The following MYO3A variants were observed in gnomAD, a reference collection of about 807,000 sequenced individuals.
MYO3A encodes myosin IIIA, also known as myosin-IIIa.
Under a neutral mutation model 192.7 loss-of-function variants are expected in MYO3A, and 180 were observed. That is an observed-to-expected ratio of 0.93 (90% CI 0.83 to 1.06). The LOEUF (loss-of-function observed/expected upper bound fraction) is 1.06. MYO3A is among the 50% of genes least tolerant of loss of function. MYO3A has a pLI of 0.00. For missense variants in MYO3A, 1,896 were observed against 1,905.0 expected, an observed-to-expected ratio of 1.00 and a Z score of 0.09; for synonymous variants, 628 against 645.3, an observed-to-expected ratio of 0.97 and a Z score of 0.41.
At position 26,039,182 on chromosome 10, in the gene MYO3A, A is replaced by G. The variant is rs577552244; in HGVS notation, c.953+12650A>G. 2.7e-5 allele frequency among the ~76,000 whole-genome samples: 4 copies of G among 148,072 alleles called. No homozygotes were observed. In the East Asian group the frequency reaches 7.9e-4, roughly 29 times the overall value. ...CAGCCTCCTGAACAGCTGGGATTAC[A>G]GGCAGGCACCACCAGGCTCGGCTAA... On this transcript the variant is annotated intron_variant, in intron 10 of 34. Coordinates refer to ENST00000642920, the MANE Select transcript of MYO3A (RefSeq NM_017433.5).
intron 18 of MYO3A, 97 bp from the exon 19 acceptor site, chr10:26,125,301 C>A: frequency 9.7e-7 from 1 of 1,030,162 alleles, no homozygotes; most frequent in Non-Finnish European, 1.5e-6. Context: ...ACATTTAATT[C>A]ATGTCATTTG....
intron 17 of MYO3A, among the ~76,000 whole-genome samples, chr10:26,118,889 C>T (rs1838680991): frequency 6.6e-6 from 1 of 152,116 alleles, no homozygotes; most frequent in Non-Finnish European, 1.5e-5. Flanking sequence ...GCCTCGGCCT[C>T]CCAAAGTGCT....
intron 17 of MYO3A, among the ~76,000 whole-genome samples, chr10:26,114,937 A>G (rs1358180391): frequency 1.3e-5 from 2 of 152,238 alleles, no homozygotes; most frequent in Non-Finnish European, 2.9e-5. Context: ...GAATGGGAAA[A>G]AAAGAACAGC....
At chr10:26,108,587 A>T (rs929201865) in intron 17 of MYO3A, among the ~76,000 whole-genome samples, 6 of 152,206 alleles carry the variant, frequency 3.9e-5, no homozygotes, top group Non-Finnish European at 8.8e-5. Context: ...AAAATGGAAG[A>T]CTATCAGCAA....
rs762088627 is a variant in MYO3A, at chr10:26,174,083, G to A, written c.3819G>A (p.Trp1273Ter). The A allele has an allele frequency of 3.7e-6, 6 of 1,614,198 alleles. No individual in the cohort carries two copies. The highest frequency in any genetic ancestry group is 3.3e-4 in the Middle Eastern group (2 of 6,062). ...ISERPSYPVP[W>*]LAENETSFKK... Reference sequence around the variant, plus strand: ...AAAGGCCAAGCTACCCAGTGCCTTGGTTAGCTGAAAATGAGACTTCCTTTA... The same window carrying A: ...AAAGGCCAAGCTACCCAGTGCCTTGATTAGCTGAAAATGAGACTTCCTTTA... Residue 1273 changes from tryptophan to a stop codon, truncating the protein, a stop_gained, in exon 30 of 35, where the codon TGG becomes TGA. Coordinates refer to ENST00000642920, the MANE Select transcript of MYO3A (RefSeq NM_017433.5). LOFTEE classifies it high-confidence loss of function.
chr10:26,206,065 A>ATTTGAT (rs1843919706), intron 34 of MYO3A, among the ~76,000 whole-genome samples: 1 of 141,642 alleles, frequency 7.1e-6, no homozygotes, highest in African/African-American at 2.6e-5. Flanking sequence ...CTGAGTGCAG[A>ATTTGAT]TTTTTTTTTT....
rs537563312 is a variant in MYO3A, at chr10:25,958,274, G to A, written c.303+3266G>A. Among the ~76,000 whole-genome samples, 14 of 152,306 alleles carry A rather than the reference G, an allele frequency of 9.2e-5. No homozygotes were observed. In the South Asian group the frequency reaches 2.7e-3, roughly 29 times the overall value. ...TCTTGAGTTGATATTTGTATATAGT[G>A]TAAGGAAGGGATTCAGTTTCAATCT... On this transcript the variant is annotated intron_variant, in intron 4 of 34. Transcript: ENST00000642920.
chr10:26,088,203 G>T lies in MYO3A; in HGVS notation c.1360G>T (p.Ala454Ser). Residue 454 changes from alanine (A) to serine (S), a missense_variant and splice_region_variant, in exon 15 of 35, where the codon GCT becomes TCT. Coordinates refer to ENST00000642920, the MANE Select transcript of MYO3A (RefSeq NM_017433.5). ...AAATATCTTAATATTTTCTATTTAG[G>T]CTAATAACAGAACCTTGCAAGAGAA... ...LVQQLTVLGK[A>S]NNRTLQEKIL... The T allele has an allele frequency of 6.3e-7, 1 of 1,597,468 alleles. No individual in the cohort carries two copies. The highest frequency in any genetic ancestry group is 8.5e-7 in the Non-Finnish European group (1 of 1,169,874).
intron 15 of MYO3A, among the ~76,000 whole-genome samples, chr10:26,093,695 C>T (rs1305915496): frequency 1.3e-5 from 2 of 152,160 alleles, no homozygotes; most frequent in African/African-American, 2.4e-5. Flanking sequence ...TCTCTCACTT[C>T]AAAAATTCTT....
intron 14 of MYO3A, among the ~76,000 whole-genome samples, chr10:26,080,013 T>C (rs1160490476): frequency 6.6e-6 from 1 of 152,192 alleles, no homozygotes; most frequent in Non-Finnish European, 1.5e-5. Context: ...GATGAAGACC[T>C]TATTGTGATG....
rs141302652 is a variant in MYO3A, at chr10:26,197,755, G to A, written c.4546-3510G>A. On this transcript the variant is annotated intron_variant, in intron 32 of 34. Coordinates refer to ENST00000642920, the MANE Select transcript of MYO3A (RefSeq NM_017433.5). ...AATTTTTTGTATTTTTAGTAAAGCC[G>A]GGATTTCACCATGTTGGCTAGGCTG... Among the ~76,000 whole-genome samples, 1,518 of 152,306 alleles carry A rather than the reference G, an allele frequency of 1.0e-2. 13 individuals carry two copies. Among genetic ancestry groups the A allele is most frequent in the African/African-American group, 0.027 (1,113 of 41,554 alleles).
intron 10 of MYO3A, among the ~76,000 whole-genome samples, chr10:26,051,299 G>A (rs1843987639): frequency 6.6e-6 from 1 of 152,020 alleles, no homozygotes. Context: ...TTGGAGATTA[G>A]AAAGAATTTA....
intron 4 of MYO3A, among the ~76,000 whole-genome samples, chr10:25,994,399 A>G (rs1289853086): frequency 3.3e-5 from 5 of 152,202 alleles, no homozygotes; most frequent in African/African-American, 1.2e-4. Flanking sequence ...TTTTGAGCCT[A>G]CGTGCGTCTC....
At chr10:26,206,728 C>T (rs1024866348) in intron 34 of MYO3A, among the ~76,000 whole-genome samples, 7 of 152,294 alleles carry the variant, frequency 4.6e-5, no homozygotes, top group East Asian at 3.9e-4. Context: ...GGATTACAGG[C>T]GTGAGCCACC....
At chr10:26,112,663 G>C (rs185539510) in intron 17 of MYO3A, among the ~76,000 whole-genome samples, 2 of 152,128 alleles carry the variant, frequency 1.3e-5, no homozygotes, top group Non-Finnish European at 2.9e-5. Flanking sequence ...CACCCCAAGT[G>C]TATGTGTCCC....
intron 4 of MYO3A, among the ~76,000 whole-genome samples, chr10:25,987,120 C>G (rs1173939403): frequency 6.6e-6 from 1 of 152,168 alleles, no homozygotes; most frequent in Non-Finnish European, 1.5e-5. Flanking sequence ...AAAGGATACT[C>G]TATTCAACAA....
intron 23 of MYO3A, among the ~76,000 whole-genome samples, chr10:26,148,954 T>C (rs1840629522): frequency 6.6e-6 from 1 of 152,152 alleles, no homozygotes; most frequent in South Asian, 2.1e-4. Flanking sequence ...TTTTCCAATA[T>C]GTTTCCTTTT....
chr10:26,089,665 G>C (rs1003009995), intron 15 of MYO3A, among the ~76,000 whole-genome samples: 1 of 151,706 alleles, frequency 6.6e-6, no homozygotes, highest in African/African-American at 2.4e-5. Flanking sequence ...GTACCACACC[G>C]TTTTAATCCA....
At chr10:26,139,783 T>A (rs1343078620) in intron 20 of MYO3A, among the ~76,000 whole-genome samples, 1 of 151,886 alleles carries the variant, frequency 6.6e-6, no homozygotes, top group Non-Finnish European at 1.5e-5. Flanking sequence ...TCCCAGCTAC[T>A]CTAGAGGCCA....
Sources: allele counts gnomAD v4.1 joint callset (sites outside exome capture counted in the v4.1 genomes callset), GRCh38; gene constraint gnomAD v4.1.1; transcripts MANE v1.5; gene names NCBI Gene and HGNC (gene_info 2026-07-23, HGNC 2026-07-21).